KCNQ4: variants seen among roughly 807,000 people sequenced by gnomAD.
KCNQ4 encodes potassium voltage-gated channel subfamily Q member 4, also known as potassium voltage-gated channel subfamily KQT member 4.
KCNQ4 carries 31 observed loss-of-function variants against 72.6 expected under a neutral mutation model. That is an observed-to-expected ratio of 0.43 (90% CI 0.32 to 0.58). KCNQ4 has a LOEUF of 0.58. Ranked by LOEUF, KCNQ4 falls within the 20% of genes least tolerant of loss-of-function variation. The pLI is 0.08. For missense variants in KCNQ4, 869 were observed against 962.6 expected (o/e 0.90, Z 1.29); for synonymous variants, 405 against 403.7 (o/e 1.00, Z -0.04).
At chr1:40,830,689 C>T (rs958485455) in intron 9 of KCNQ4, among the ~76,000 whole-genome samples, 1 of 152,152 alleles carries the variant, frequency 6.6e-6, no homozygotes, top group Non-Finnish European at 1.5e-5. Context: ...CCTCAGCAGC[C>T]TGTCTGTGCC....
In KCNQ4 at chr1:40,838,534, AG is replaced by A. The variant is rs751220418; in HGVS notation, c.*12del. On this transcript the variant is annotated 3_prime_UTR_variant, in exon 14 of 14. Coordinates refer to ENST00000347132, the MANE Select transcript of KCNQ4 (RefSeq NM_004700.4). ...ACCAACATGGACTGAGGGACTTCTCAGAGGCAGGGCAGCACACGGCCAGCCC... is the reference window on the plus strand; with the variant it reads ...ACCAACATGGACTGAGGGACTTCTCAAGGCAGGGCAGCACACGGCCAGCCC... The A allele has an allele frequency of 1.5e-5, 24 of 1,613,336 alleles. No homozygotes were observed. The highest frequency in any genetic ancestry group is 2.0e-5 in the Non-Finnish European group (23 of 1,179,416).
At chr1:40,815,516 G>A (rs1648060015) in intron 1 of KCNQ4, among the ~76,000 whole-genome samples, 1 of 152,154 alleles carries the variant, frequency 6.6e-6, no homozygotes, top group Non-Finnish European at 1.5e-5. Context: ...TGCCTTTTTT[G>A]TGATTAATTA....
At chr1:40,789,187 G>T (rs1354474445) in intron 1 of KCNQ4, among the ~76,000 whole-genome samples, 1 of 152,150 alleles carries the variant, frequency 6.6e-6, no homozygotes, top group Non-Finnish European at 1.5e-5. Flanking sequence ...CTTCGCTGGC[G>T]TTTGCTCCTC....
In KCNQ4 at chr1:40,820,236, G is replaced by T. The variant is rs769086004; in HGVS notation, c.1017G>T (p.Arg339Ser). The change falls in exon 7 of 14, where the codon AGG becomes AGT. Residue 339 changes from arginine (R) to serine (S), a missense_variant. Coordinates refer to ENST00000347132, the MANE Select transcript of KCNQ4 (RefSeq NM_004700.4). ...GGCAGAAGCACTTCGAGAAGCGGAGGATGCCGGCAGCCAACCTCATCCAGG... is the reference window on the plus strand; with the variant it reads ...GGCAGAAGCACTTCGAGAAGCGGAGTATGCCGGCAGCCAACCTCATCCAGG... ...QHRQKHFEKR[R>S]MPAANLIQAA... 5 of 1,608,598 alleles carry T rather than the reference G, an allele frequency of 3.1e-6. No individual in the cohort carries two copies. Among genetic ancestry groups the T allele is most frequent in the Non-Finnish European group, 4.2e-6 (5 of 1,177,710 alleles).
intron 1 of KCNQ4, among the ~76,000 whole-genome samples, chr1:40,816,862 C>A (rs1239832517): frequency 6.6e-6 from 1 of 152,162 alleles, no homozygotes; most frequent in African/African-American, 2.4e-5. Flanking sequence ...GCTGACCTTC[C>A]CTGAGCCCTG....
At chr1:40,833,218 G>T in intron 11 of KCNQ4, 105 bp downstream of exon 11, 1 of 777,858 alleles carries the variant, frequency 1.3e-6, no homozygotes. Flanking sequence ...AGACCAGCCT[G>T]GCCAACATGG....
chr1:40,792,986 CT>C (rs1647314327), intron 1 of KCNQ4, among the ~76,000 whole-genome samples: 1 of 142,750 alleles, frequency 7.0e-6, no homozygotes, highest in Admixed American at 6.9e-5. Context: ...GCCCTTCTTT[CT>C]TTTCTTTTCT....
chr1:40,819,410 C>G lies in KCNQ4; in HGVS notation c.772C>G (p.Leu258Val). 6.2e-7 allele frequency: 1 copy of G among 1,613,964 alleles called. No homozygotes were observed. Among genetic ancestry groups the G allele is most frequent in the Non-Finnish European group, 8.5e-7 (1 of 1,179,958 alleles). The change falls in exon 5 of 14, where the codon CTG becomes GTG. Residue 258 changes from leucine (L) to valine (V), a missense_variant. Coordinates refer to ENST00000347132, the MANE Select transcript of KCNQ4 (RefSeq NM_004700.4). ...CATCTTCGCCTCCTTCCTGGTCTAC[C>G]TGGCTGAGAAGGACGCCAACTCCGA... Reference protein sequence around the residue: ...VLIFASFLVYLAEKDANSDFS... With the variant: ...VLIFASFLVYVAEKDANSDFS...
At chr1:40,835,518 C>G (rs768286900) in intron 12 of KCNQ4, among the ~76,000 whole-genome samples, 1 of 152,234 alleles carries the variant, frequency 6.6e-6, no homozygotes, top group Non-Finnish European at 1.5e-5. Flanking sequence ...AGGAAGAATC[C>G]TCACCCCAAG....
chr1:40,796,262 CCTCT>C (rs1199434950), intron 1 of KCNQ4, among the ~76,000 whole-genome samples: 1 of 152,120 alleles, frequency 6.6e-6, no homozygotes, highest in Non-Finnish European at 1.5e-5. Context: ...CAGTCACCTC[CCTCT>C]CTGAGTCTCA....
At chr1:40,829,765 T>C (rs1027691191) in intron 9 of KCNQ4, among the ~76,000 whole-genome samples, 1 of 152,048 alleles carries the variant, frequency 6.6e-6, no homozygotes, top group African/African-American at 2.4e-5. Flanking sequence ...ACATTTGGGG[T>C]GGGTCCCCCT....
intron 1 of KCNQ4, among the ~76,000 whole-genome samples, chr1:40,800,276 C>T (rs142781709): frequency 6.6e-6 from 1 of 152,046 alleles, no homozygotes. Context: ...ATCTGAGGAT[C>T]GGAGGGTAGC....
In KCNQ4 at chr1:40,830,709, C is replaced by T. The variant is rs1038695052; in HGVS notation, c.1293-375C>T. ...GCAGCCTGTCTGTGCCCAAAGGGGT[C>T]GCCACCCCCACCCTCTGCCCACTCA... is the stretch of plus-strand genomic sequence containing the variant. On this transcript the variant is annotated intron_variant, in intron 9 of 13. Transcript: ENST00000347132. Among the ~76,000 whole-genome samples the T allele has an allele frequency of 5.3e-5, 8 of 152,092 alleles. 1 individual carries two copies. Among genetic ancestry groups the T allele is most frequent in the African/African-American group, 1.9e-4 (8 of 41,412 alleles).
At chr1:40,819,117 C>A (rs1184003706) in intron 4 of KCNQ4, 12 of 492,850 alleles carry the variant, frequency 2.4e-5, no homozygotes, top group South Asian at 2.2e-4. Flanking sequence ...CCTGGAGACT[C>A]AAGGCAGGCG....
In KCNQ4 at chr1:40,784,753, G is replaced by A. The variant is rs1480791977; in HGVS notation, c.314+346G>A. On this transcript the variant is annotated intron_variant, in intron 1 of 13. Coordinates refer to ENST00000347132, the MANE Select transcript of KCNQ4 (RefSeq NM_004700.4). The surrounding 1 kb of genome is among the most constrained non-coding windows in gnomAD (Gnocchi z 4.1). ...GAAGTCTGGGGCCCCTGGAGTGGGCGCCCTTTTCCTCTTCCCCACCCCTGC... is the reference window on the plus strand; with the variant it reads ...GAAGTCTGGGGCCCCTGGAGTGGGCACCCTTTTCCTCTTCCCCACCCCTGC... Among the ~76,000 whole-genome samples, 5 of 152,056 alleles carry A rather than the reference G, an allele frequency of 3.3e-5. 1 individual carries two copies. The East Asian group carries it at 9.8e-4, about 30-fold the overall frequency.
At chr1:40,802,477 T>A (rs187182672) in intron 1 of KCNQ4, among the ~76,000 whole-genome samples, 1,888 of 152,114 alleles carry the variant, frequency 0.012, 19 homozygotes, top group Non-Finnish European at 0.019. Flanking sequence ...GGCCTGGCAT[T>A]GGCAAAGCCC....
chr1:40,834,496 G>A (rs921261077), intron 11 of KCNQ4, among the ~76,000 whole-genome samples: 1 of 151,922 alleles, frequency 6.6e-6, no homozygotes, highest in Non-Finnish European at 1.5e-5. Flanking sequence ...TGTAGTCCCA[G>A]CACTTTGGGA....
chr1:40,816,492 C>T (rs1570826425), intron 1 of KCNQ4, among the ~76,000 whole-genome samples: 2 of 152,318 alleles, frequency 1.3e-5, no homozygotes, highest in East Asian at 3.9e-4. Flanking sequence ...GTGAGTCCTT[C>T]TTCCTCTTCG....
At position 40,835,024 on chromosome 1, in the gene KCNQ4, C is replaced by T. The variant is rs542936837; in HGVS notation, c.1671C>T (p.Asp557=). 2.7e-5 allele frequency: 43 copies of T among 1,614,114 alleles called. No individual in the cohort carries two copies. The highest frequency in any genetic ancestry group is 2.1e-4 in the South Asian group (19 of 91,086). Residue 557 remains aspartate, a synonymous_variant, in exon 12 of 14, where the codon GAC becomes GAT. Coordinates refer to ENST00000347132, the MANE Select transcript of KCNQ4 (RefSeq NM_004700.4). ...RKFKETLRPY[D]VKDVIEQYSA... Reference sequence around the variant, plus strand: ...TCAAGGAGACACTGCGACCGTACGACGTGAAGGACGTCATTGAGCAGTACT... The same window carrying T: ...TCAAGGAGACACTGCGACCGTACGATGTGAAGGACGTCATTGAGCAGTACT...
Sources: gnomAD v4.1 joint callset for allele counts (sites outside exome capture counted in the v4.1 genomes callset) on GRCh38, gnomAD v4.1.1 for gene constraint, Gnocchi (gnomAD v3.1) non-coding constraint, MANE v1.5 for transcripts, NCBI Gene and HGNC (gene_info 2026-07-23, HGNC 2026-07-21) for gene names.